KCNMB4: variants seen among roughly 807,000 people sequenced by gnomAD.
KCNMB4 encodes calcium-activated potassium channel subunit beta-4.
A neutral mutation model predicts 20.7 loss-of-function variants in KCNMB4; 3 were observed. The ratio of observed to expected loss-of-function variants is 0.14; its 90% CI spans 0.07 to 0.37. KCNMB4 has a LOEUF of 0.37. KCNMB4 is among the 10% of genes least tolerant of loss of function. KCNMB4 has a pLI of 1.00. For missense variants in KCNMB4, 168 were observed against 265.9 expected (o/e 0.63, Z 2.56); for synonymous variants, 110 against 113.4 (o/e 0.97, Z 0.19).
chr12:70,387,488 C>T (rs1868267654), intron 1 of KCNMB4, among the ~76,000 whole-genome samples: 1 of 149,478 alleles, frequency 6.7e-6, no homozygotes, highest in Non-Finnish European at 1.5e-5. Flanking sequence ...CTGCAACCTC[C>T]TTCTACCAGT....
chr12:70,394,960 C>A (rs1028543084), intron 1 of KCNMB4, among the ~76,000 whole-genome samples: 1 of 152,090 alleles, frequency 6.6e-6, no homozygotes, highest in African/African-American at 2.4e-5. Context: ...AGCCACTGCA[C>A]CTGACTGTTA....
intron 2 of KCNMB4, among the ~76,000 whole-genome samples, chr12:70,409,723 G>A (rs181658894): frequency 5.9e-5 from 9 of 152,278 alleles, no homozygotes; most frequent in East Asian, 1.9e-4. Context: ...CAAGACCAGA[G>A]GATGTTCAAG....
At chr12:70,387,400 T>A (rs1323700896) in intron 1 of KCNMB4, among the ~76,000 whole-genome samples, 3 of 31,104 alleles carry the variant, frequency 9.6e-5, no homozygotes, top group Non-Finnish European at 1.1e-4. Flanking sequence ...ATTTTTTAAT[T>A]TTTTTTTTTT....
At chr12:70,417,536 A>G (rs901232802) in intron 2 of KCNMB4, among the ~76,000 whole-genome samples, 1 of 152,232 alleles carries the variant, frequency 6.6e-6, no homozygotes, top group African/African-American at 2.4e-5. Flanking sequence ...CAGAATGAGT[A>G]GTAAATATGA....
At chr12:70,409,482 G>A (rs936931658) in intron 2 of KCNMB4, among the ~76,000 whole-genome samples, 1 of 152,096 alleles carries the variant, frequency 6.6e-6, no homozygotes, top group Non-Finnish European at 1.5e-5. Flanking sequence ...TTAAACTTCT[G>A]CCATTGAATT....
chr12:70,419,064 C>A (rs753026903), intron 2 of KCNMB4, among the ~76,000 whole-genome samples: 4 of 152,120 alleles, frequency 2.6e-5, no homozygotes, highest in African/African-American at 9.7e-5. Context: ...CTATCCAGCC[C>A]GGGCTTGCTT....
At chr12:70,425,876 C>A (rs984876089) in intron 2 of KCNMB4, among the ~76,000 whole-genome samples, 1 of 152,202 alleles carries the variant, frequency 6.6e-6, no homozygotes, top group African/African-American at 2.4e-5. Flanking sequence ...CAGTGGCTCA[C>A]GCCCATAATC....
intron 2 of KCNMB4, among the ~76,000 whole-genome samples, chr12:70,406,335 C>T (rs1300476140): frequency 6.6e-6 from 1 of 151,994 alleles, no homozygotes; most frequent in Non-Finnish European, 1.5e-5. Flanking sequence ...ATTAAAGTTT[C>T]CTATGACTGG....
intron 2 of KCNMB4, among the ~76,000 whole-genome samples, chr12:70,429,619 AT>A (rs1869304425): frequency 6.6e-6 from 1 of 150,786 alleles, no homozygotes; most frequent in Admixed American, 6.7e-5. Flanking sequence ...GTGAGCCAAG[AT>A]GGCACCACTG....
At chr12:70,377,394 A>G (rs991280768) in intron 1 of KCNMB4, among the ~76,000 whole-genome samples, 5 of 152,228 alleles carry the variant, frequency 3.3e-5, no homozygotes, top group Non-Finnish European at 7.3e-5. Context: ...ATTAATGTGC[A>G]GTACCATTAT....
rs1053257197 is a variant in KCNMB4 at position 70,412,497 on chromosome 12, A to G, written c.464+12161A>G. ...TTTATAACCAATAGAGTGAAAAATG[A>G]TTGGTCAGTTGTAGTTTATTTTCCG... is the stretch of plus-strand genomic sequence containing the variant. On this transcript the variant is annotated intron_variant, in intron 2 of 2. Coordinates refer to ENST00000258111, the MANE Select transcript of KCNMB4 (RefSeq NM_014505.6). Among the ~76,000 whole-genome samples, 8 of 152,340 alleles carry G rather than the reference A, an allele frequency of 5.3e-5. No individual in the cohort carries two copies. The South Asian group carries it at 6.2e-4, about 12-fold the overall frequency.
chr12:70,394,714 T>G (rs1207103875), intron 1 of KCNMB4, among the ~76,000 whole-genome samples: 5 of 152,192 alleles, frequency 3.3e-5, no homozygotes, highest in African/African-American at 1.2e-4. Flanking sequence ...TTTCCCAGGC[T>G]GGAGTACAGT....
At chr12:70,421,455 C>A (rs1869050860) in intron 2 of KCNMB4, among the ~76,000 whole-genome samples, 1 of 119,006 alleles carries the variant, frequency 8.4e-6, no homozygotes, top group Non-Finnish European at 1.6e-5. Flanking sequence ...CAGAGTGAGA[C>A]CTTGTCTCAA....
intron 2 of KCNMB4, among the ~76,000 whole-genome samples, chr12:70,414,809 G>T (rs895979434): frequency 6.6e-6 from 1 of 152,130 alleles, no homozygotes; most frequent in African/African-American, 2.4e-5. Context: ...AAATACGCAA[G>T]AATTTAAAAT....
At chr12:70,381,911 AT>A (rs1336596028) in intron 1 of KCNMB4, among the ~76,000 whole-genome samples, 1 of 152,258 alleles carries the variant, frequency 6.6e-6, no homozygotes, top group African/African-American at 2.4e-5. Flanking sequence ...TGCCCAAAAA[AT>A]AATAATGAAT....
intron 1 of KCNMB4, among the ~76,000 whole-genome samples, chr12:70,396,991 C>T (rs967044531): frequency 7.2e-5 from 11 of 152,106 alleles, no homozygotes; most frequent in Non-Finnish European, 8.8e-5. Flanking sequence ...TTAGGCTTCA[C>T]GGTAACTTGA....
At position 70,376,724 on chromosome 12, in the gene KCNMB4, AC is replaced by A. The variant is rs200808023; in HGVS notation, c.336+9655del. Among the ~76,000 whole-genome samples, 16 of 150,174 alleles carry A rather than the reference AC, an allele frequency of 1.1e-4. 1 individual carries two copies. Among genetic ancestry groups the A allele is most frequent in the Admixed American group, 2.0e-4 (3 of 15,064 alleles). On this transcript the variant is annotated intron_variant, in intron 1 of 2. Coordinates refer to ENST00000258111, the MANE Select transcript of KCNMB4 (RefSeq NM_014505.6). ...TCTACAAAAATTAAAAAAAAACAAA[AC>A]GCCAGATGTCATGGCACGTGCCTGT...
chr12:70,426,146 T>A (rs537672162), intron 2 of KCNMB4, among the ~76,000 whole-genome samples: 2 of 151,654 alleles, frequency 1.3e-5, no homozygotes, highest in East Asian at 1.9e-4. Context: ...GTACAAAAAT[T>A]AGTGGGGTGT....
At chr12:70,427,366 C>CA (rs1470615648) in intron 2 of KCNMB4, among the ~76,000 whole-genome samples, 1 of 152,084 alleles carries the variant, frequency 6.6e-6, no homozygotes, top group Non-Finnish European at 1.5e-5. Flanking sequence ...CTCACTAAAT[C>CA]AAAAAACTGA....
Sources: gnomAD v4.1 joint callset for allele counts (sites outside exome capture counted in the v4.1 genomes callset) on GRCh38, gnomAD v4.1.1 for gene constraint, MANE v1.5 for transcripts, NCBI Gene and HGNC (gene_info 2026-07-23, HGNC 2026-07-21) for gene names.